AGBL4: variants seen among roughly 807,000 people sequenced by gnomAD.
AGBL4 encodes AGBL carboxypeptidase 4, also known as cytosolic carboxypeptidase 6.
In AGBL4, 58 loss-of-function variants were observed where a neutral mutation model predicts 66.4. The observed-to-expected ratio is 0.87, with a 90% CI of 0.71 to 1.09. The LOEUF (loss-of-function observed/expected upper bound fraction) is 1.09. Ranked by LOEUF, AGBL4 falls within the 50% of genes least tolerant of loss-of-function variation. AGBL4 has a pLI of 0.00. For missense variants in AGBL4, 579 were observed against 631.0 expected, an observed-to-expected ratio of 0.92 and a Z score of 0.88; for synonymous variants, 234 against 222.9, an observed-to-expected ratio of 1.05 and a Z score of -0.44.
At chr1:49,571,132 T>C (rs1644321543) in intron 3 of AGBL4, among the ~76,000 whole-genome samples, 1 of 151,844 alleles carries the variant, frequency 6.6e-6, no homozygotes, top group African/African-American at 2.4e-5. Context: ...AAAGACGGTG[T>C]TTGTATTATG....
chr1:48,539,391 C>T (rs1185904655), intron 12 of AGBL4, among the ~76,000 whole-genome samples: 1 of 152,178 alleles, frequency 6.6e-6, no homozygotes, highest in Non-Finnish European at 1.5e-5. Flanking sequence ...CAGCAAGCCC[C>T]ATCCCTGTGG....
chr1:49,015,196 G>A (rs1662722411), intron 5 of AGBL4, among the ~76,000 whole-genome samples: 1 of 152,014 alleles, frequency 6.6e-6, no homozygotes, highest in Admixed American at 6.6e-5. Context: ...GTTTTTTTGG[G>A]GGGAGTTGAT....
At chr1:49,071,903 A>T (rs1396575825) in intron 4 of AGBL4, among the ~76,000 whole-genome samples, 1 of 149,704 alleles carries the variant, frequency 6.7e-6, no homozygotes, top group Admixed American at 6.6e-5. Flanking sequence ...GTCTCTAAGA[A>T]TTTGCTTTGT....
chr1:49,899,026 A>C (rs567253430), intron 1 of AGBL4, among the ~76,000 whole-genome samples: 1 of 152,198 alleles, frequency 6.6e-6, no homozygotes, highest in Non-Finnish European at 1.5e-5. Flanking sequence ...GAGTAGAAAA[A>C]AATAGTAGAA....
At chr1:48,677,424 G>A (rs567715356) in intron 6 of AGBL4, among the ~76,000 whole-genome samples, 3 of 152,262 alleles carry the variant, frequency 2.0e-5, no homozygotes, top group Admixed American at 6.5e-5. Flanking sequence ...GCATGTCAGG[G>A]TACAGATCCA....
At chr1:48,679,942 C>T (rs1311183713) in intron 6 of AGBL4, among the ~76,000 whole-genome samples, 2 of 152,250 alleles carry the variant, frequency 1.3e-5, no homozygotes, top group African/African-American at 4.8e-5. Context: ...CTATACCTCT[C>T]CTGTGCCATG....
chr1:49,394,840 T>C (rs1570609288), intron 3 of AGBL4, among the ~76,000 whole-genome samples: 1 of 152,164 alleles, frequency 6.6e-6, no homozygotes, highest in East Asian at 1.9e-4. Context: ...TGCTTTTCAA[T>C]CCCCAGTTGA....
At chr1:49,532,770 C>T (rs1477053457) in intron 3 of AGBL4, among the ~76,000 whole-genome samples, 2 of 152,130 alleles carry the variant, frequency 1.3e-5, no homozygotes, top group African/African-American at 4.8e-5. Flanking sequence ...TTTCTAAGGT[C>T]ACCTATCTAC....
intron 4 of AGBL4, among the ~76,000 whole-genome samples, chr1:49,076,638 C>T (rs967684876): frequency 1.3e-5 from 2 of 152,186 alleles, no homozygotes; most frequent in East Asian, 3.8e-4. Flanking sequence ...ATCCCCATAG[C>T]ATGTGCTTCC....
intron 6 of AGBL4, among the ~76,000 whole-genome samples, chr1:48,770,406 T>C (rs1309794333): frequency 1.3e-5 from 2 of 152,206 alleles, no homozygotes; most frequent in African/African-American, 2.4e-5. Flanking sequence ...GGTTATCCCC[T>C]GATTCTAAGT....
chr1:48,546,028 T>A (rs1026608525), intron 11 of AGBL4, among the ~76,000 whole-genome samples: 3 of 152,208 alleles, frequency 2.0e-5, no homozygotes, highest in Non-Finnish European at 2.9e-5. Flanking sequence ...AGAAGGAAAC[T>A]CACATGTTCC....
intron 2 of AGBL4, among the ~76,000 whole-genome samples, chr1:49,804,684 A>T (rs1644937739): frequency 6.6e-6 from 1 of 152,188 alleles, no homozygotes; most frequent in Non-Finnish European, 1.5e-5. Context: ...AGGACTAACT[A>T]GTGTAACTCT....
intron 3 of AGBL4, among the ~76,000 whole-genome samples, chr1:49,620,755 G>C (rs1462953953): frequency 6.6e-6 from 1 of 152,082 alleles, no homozygotes; most frequent in Non-Finnish European, 1.5e-5. Flanking sequence ...TCAAGTGCCT[G>C]GTGAATAACA....
intron 6 of AGBL4, among the ~76,000 whole-genome samples, chr1:48,718,006 T>C (rs1471358970): frequency 6.6e-6 from 1 of 152,232 alleles, no homozygotes; most frequent in Non-Finnish European, 1.5e-5. Context: ...TTCCTGATTC[T>C]AGGCTGGGGA....
At chr1:49,846,341 G>A in intron 2 of AGBL4, 7 of 1,533,126 alleles carry the variant, frequency 4.6e-6, no homozygotes, top group Non-Finnish European at 6.3e-6. Flanking sequence ...CAGGGACTAT[G>A]GAAAGACCTT....
intron 6 of AGBL4, among the ~76,000 whole-genome samples, chr1:48,807,934 A>G (rs1410085309): frequency 6.6e-6 from 1 of 152,156 alleles, no homozygotes; most frequent in Admixed American, 6.6e-5. Flanking sequence ...GACACAGAAA[A>G]TCAGTGGGCA....
chr1:49,463,068 T>C (rs1376684871), intron 3 of AGBL4, among the ~76,000 whole-genome samples: 1 of 151,792 alleles, frequency 6.6e-6, no homozygotes, highest in Non-Finnish European at 1.5e-5. Flanking sequence ...CTAATGTTCT[T>C]TGAACTTCCA....
At chr1:49,832,378 T>C (rs1228249252) in intron 2 of AGBL4, among the ~76,000 whole-genome samples, 1 of 150,720 alleles carries the variant, frequency 6.6e-6, no homozygotes, top group African/African-American at 2.4e-5. Context: ...TGCCACATTT[T>C]CTTAATCCAG....
chr1:49,865,212 AGT>A (rs1428641230), intron 1 of AGBL4, among the ~76,000 whole-genome samples: 2 of 152,176 alleles, frequency 1.3e-5, no homozygotes, highest in Non-Finnish European at 2.9e-5. Context: ...AGCCCAGATG[AGT>A]GAGATTCGCC....
Sources: allele counts gnomAD v4.1 joint callset (sites outside exome capture counted in the v4.1 genomes callset), GRCh38; gene constraint gnomAD v4.1.1; transcripts MANE v1.5; gene names NCBI Gene and HGNC (gene_info 2026-07-23, HGNC 2026-07-21).